TARS3: variants seen among roughly 807,000 people sequenced by gnomAD.
TARS3 encodes the protein threonine--tRNA ligase 2, cytoplasmic.
TARS3 carries 94 observed loss-of-function variants against 103.5 expected under a neutral mutation model. That is an observed-to-expected ratio of 0.91 (90% CI 0.77 to 1.08). The LOEUF is 1.08. Ranked by LOEUF, TARS3 falls within the 50% of genes least tolerant of loss-of-function variation. The probability of loss-of-function intolerance (pLI) is 0.00; values close to 1 mark genes in which losing one functional copy is unlikely to be tolerated. For synonymous variants in TARS3, 416 were observed against 355.4 expected (o/e 1.17, Z -1.92); for missense variants, 952 against 995.2 (o/e 0.96, Z 0.58).
intron 3 of TARS3, among the ~76,000 whole-genome samples, chr15:101,717,512 C>G (rs1457416924): frequency 6.6e-6 from 1 of 152,246 alleles, no homozygotes; most frequent in Non-Finnish European, 1.5e-5. Context: ...TTCCTTGCAG[C>G]TACATGTGGC....
chr15:101,714,795 A>G, intron 4 of TARS3, 45 bp downstream of exon 4: 1 of 1,590,106 alleles, frequency 6.3e-7, no homozygotes, highest in Non-Finnish European at 8.6e-7. Context: ...TGTAGTTTAC[A>G]ACATAACTAC....
intron 15 of TARS3, among the ~76,000 whole-genome samples, chr15:101,668,424 T>C (rs1371075213): frequency 6.6e-6 from 1 of 152,148 alleles, no homozygotes; most frequent in Non-Finnish European, 1.5e-5. Flanking sequence ...TCGTTTTAAA[T>C]GGGTATAGTT....
chr15:101,670,991 G>C (rs1389561899), intron 15 of TARS3, among the ~76,000 whole-genome samples: 3 of 152,136 alleles, frequency 2.0e-5, no homozygotes, highest in African/African-American at 7.2e-5. Flanking sequence ...GGAGTAGGAG[G>C]AGTGTGTGAC....
intron 10 of TARS3, among the ~76,000 whole-genome samples, chr15:101,700,549 G>T (rs1899213878): frequency 1.3e-5 from 2 of 152,042 alleles, no homozygotes; most frequent in Admixed American, 6.5e-5. Flanking sequence ...AACTTATATG[G>T]ACAAAAAGTG....
Position 101,661,747 on chromosome 15 carries a change from C to G in TARS3, c.2037G>C (p.Met679Ile). 6.2e-7 allele frequency: 1 copy of G among 1,607,528 alleles called. No individual in the cohort carries two copies. The highest frequency in any genetic ancestry group is 1.3e-5 in the African/African-American group (1 of 74,872). The change falls in exon 16 of 19, where the codon ATG (methionine) becomes ATC (isoleucine). Residue 679 changes from methionine to isoleucine, a missense_variant. Transcript: ENST00000335968. ...HRAILGSVER[M>I]IAILSENYGG... ...CATAGTTTTCTGAAAGAATGGCTAT[C>G]ATTCTTTCCACTGATCCCAAAATGG...
At chr15:101,670,244 G>A (rs1336289007) in intron 15 of TARS3, among the ~76,000 whole-genome samples, 1 of 152,260 alleles carries the variant, frequency 6.6e-6, no homozygotes, top group Non-Finnish European at 1.5e-5. Context: ...CTACAGACCA[G>A]GGTAAAATAT....
intron 15 of TARS3, 44 bp downstream of exon 15, chr15:101,671,442 T>A (rs1357961606): frequency 2.1e-6 from 3 of 1,431,744 alleles, no homozygotes; most frequent in African/African-American, 1.4e-5. Context: ...TGACAAAAAA[T>A]TAGAATATTA....
intron 12 of TARS3, among the ~76,000 whole-genome samples, chr15:101,677,450 G>A (rs940305047): frequency 6.6e-6 from 1 of 151,590 alleles, no homozygotes; most frequent in African/African-American, 2.4e-5. Flanking sequence ...CCCCACTGAG[G>A]CTTTTGGCCT....
chr15:101,672,152 G>C (rs1253281609), intron 13 of TARS3, among the ~76,000 whole-genome samples: 1 of 152,116 alleles, frequency 6.6e-6, no homozygotes, highest in East Asian at 1.9e-4. Flanking sequence ...TCCACTCTGA[G>C]TCTGGGTGGG....
At chr15:101,658,946 C>T (rs1221204546) in intron 16 of TARS3, among the ~76,000 whole-genome samples, 3 of 152,086 alleles carry the variant, frequency 2.0e-5, no homozygotes, top group African/African-American at 7.2e-5. Context: ...CCATTGCCAC[C>T]ACACCCAGCT....
At chr15:101,657,711 A>C in intron 17 of TARS3, 74 bp downstream of exon 17, 1 of 997,568 alleles carries the variant, frequency 1.0e-6, no homozygotes, top group Non-Finnish European at 1.5e-6. Context: ...TAAAGCATGA[A>C]GGACACTCCA....
At position 101,654,496 on chromosome 15, in the gene TARS3, A is replaced by T; in HGVS notation, c.*86T>A. On this transcript the variant is annotated 3_prime_UTR_variant, in exon 19 of 19. Transcript: ENST00000335968. ...TGAGTGGACCCATCAGTGGCTCCAA[A>T]GTCGTAGAAGTACTAACATGTTAAG... 3 of 1,452,256 alleles carry T rather than the reference A, an allele frequency of 2.1e-6. No individual in the cohort carries two copies. The highest frequency in any genetic ancestry group is 1.9e-6 in the Non-Finnish European group (2 of 1,073,932). The allele number at this position is 1,452,256 out of a possible 1,614,324, so 90.0% of individuals were successfully genotyped here.
chr15:101,706,458 T>G (rs1899567514), intron 6 of TARS3, among the ~76,000 whole-genome samples: 1 of 152,248 alleles, frequency 6.6e-6, no homozygotes, highest in African/African-American at 2.4e-5. Flanking sequence ...TTAAAATTAA[T>G]TGCAACTTTT....
intron 6 of TARS3, among the ~76,000 whole-genome samples, chr15:101,707,463 T>C (rs1183734907): frequency 6.6e-6 from 1 of 152,170 alleles, no homozygotes; most frequent in Admixed American, 6.5e-5. Flanking sequence ...GATGAATGGA[T>C]CAACAAAATG....
intron 10 of TARS3, among the ~76,000 whole-genome samples, chr15:101,694,094 A>G (rs74033395): frequency 0.013 from 1,974 of 152,354 alleles, 56 homozygotes; most frequent in African/African-American, 0.046. Context: ...CAGGGAAAAA[A>G]AAATTCAAGG....
At chr15:101,710,814 GAGA>G (rs1401856519) in intron 5 of TARS3, among the ~76,000 whole-genome samples, 2 of 151,922 alleles carry the variant, frequency 1.3e-5, no homozygotes, top group East Asian at 1.9e-4. Flanking sequence ...GCAGAAACAA[GAGA>G]AGGAGAGGGG....
At chr15:101,699,547 C>T (rs1296253591) in intron 10 of TARS3, 1 of 428,578 alleles carries the variant, frequency 2.3e-6, no homozygotes, top group Non-Finnish European at 4.7e-6. Context: ...TGCTGATTTT[C>T]CAGAGAAGAC....
intron 13 of TARS3, among the ~76,000 whole-genome samples, chr15:101,672,930 G>C (rs1396217880): frequency 6.6e-6 from 1 of 152,148 alleles, no homozygotes; most frequent in Non-Finnish European, 1.5e-5. Context: ...AAGCTAAAAA[G>C]CCAAGGAAAG....
chr15:101,708,736 A>T, intron 6 of TARS3, 57 bp downstream of exon 6: 1 of 1,123,922 alleles, frequency 8.9e-7, no homozygotes, highest in African/African-American at 1.5e-5. Flanking sequence ...TGGGGAAGCT[A>T]GTCTATATTG....
Sources: allele counts gnomAD v4.1 joint callset (sites outside exome capture counted in the v4.1 genomes callset), GRCh38; gene constraint gnomAD v4.1.1; transcripts MANE v1.5; gene names NCBI Gene and HGNC (gene_info 2026-07-23, HGNC 2026-07-21).